IST1: variants seen among roughly 807,000 people sequenced by gnomAD.
The protein encoded by IST1 is IST1 homolog.
Under a neutral mutation model 37.0 loss-of-function variants are expected in IST1, and 23 were observed. That is an observed-to-expected ratio of 0.62 (90% CI 0.45 to 0.88). The LOEUF is 0.88. Ranked by LOEUF, IST1 falls within the 40% of genes least tolerant of loss-of-function variation. The probability of loss-of-function intolerance (pLI) is 0.00; values close to 1 mark genes in which losing one functional copy is unlikely to be tolerated. For missense variants in IST1, 488 were observed against 445.4 expected, an observed-to-expected ratio of 1.10 and a Z score of -0.86; for synonymous variants, 180 against 161.7, an observed-to-expected ratio of 1.11 and a Z score of -0.86.
Position 71,929,671 on chromosome 16 carries a change from G to T in IST1, c.*1858G>T. ...CTGTAGCAGTGTATCTATTAGTGCAGCTTCTTTCTGAGTATTGAAGACAAA... is the reference window on the plus strand; with the variant it reads ...CTGTAGCAGTGTATCTATTAGTGCATCTTCTTTCTGAGTATTGAAGACAAA... On this transcript the variant is annotated 3_prime_UTR_variant, in exon 10 of 10. Transcript: ENST00000378799. 6.5e-7 allele frequency: 1 copy of T among 1,544,808 alleles called. No individual in the cohort carries two copies.
chr16:71,915,549 T>C, intron 1 of IST1, 77 bp from the exon 2 acceptor site: 2 of 872,192 alleles, frequency 2.3e-6, no homozygotes, highest in Non-Finnish European at 3.6e-6. Context: ...TTGTTTCACA[T>C]AATTCACCCC....
At chr16:71,912,534 G>A (rs2037381140) in intron 1 of IST1, among the ~76,000 whole-genome samples, 1 of 152,168 alleles carries the variant, frequency 6.6e-6, no homozygotes, top group Admixed American at 6.5e-5. Context: ...ACCGCGCCCG[G>A]CCTAAAATAT....
intron 1 of IST1, among the ~76,000 whole-genome samples, chr16:71,897,883 A>G (rs1190284684): frequency 4.6e-5 from 7 of 152,194 alleles, no homozygotes; most frequent in Non-Finnish European, 7.3e-5. Context: ...CGAGAGGCGG[A>G]GGTTGCAGTG....
chr16:71,895,367 G>C (rs376250103), upstream of IST1: 4 of 215,382 alleles, frequency 1.9e-5, no homozygotes, highest in East Asian at 3.7e-4. Flanking sequence ...AGTAGTCCCC[G>C]GCCGCGCCGA....
rs770882564 is a variant in IST1 at position 71,916,605 on chromosome 16, C to T, written c.232C>T (p.Leu78=). The T allele has an allele frequency of 3.1e-6, 5 of 1,614,012 alleles. No individual in the cohort carries two copies. Among genetic ancestry groups the T allele is most frequent in the Non-Finnish European group, 4.2e-6 (5 of 1,179,904 alleles). The change falls in exon 3 of 10, where the codon CTG becomes TTG. Residue 78 remains leucine, a synonymous_variant. Transcript: ENST00000378799. ...AMEILELYCD[L]LLARFGLIQS... is the part of the protein sequence containing the mutation. ...GGAGATCCTGGAGCTGTACTGTGACCTGCTGCTGGCTCGGTTTGGCCTTAT... is the reference window on the plus strand; with the variant it reads ...GGAGATCCTGGAGCTGTACTGTGACTTGCTGCTGGCTCGGTTTGGCCTTAT...
chr16:71,908,834 C>T (rs1185766606), intron 1 of IST1, among the ~76,000 whole-genome samples: 2 of 152,144 alleles, frequency 1.3e-5, no homozygotes, highest in African/African-American at 2.4e-5. Flanking sequence ...AAATGATAAA[C>T]TCGCCGCCAG....
At chr16:71,921,503 T>C (rs748898402) in intron 6 of IST1, 50 bp downstream of exon 6, 10 of 1,058,398 alleles carry the variant, frequency 9.4e-6, no homozygotes, top group Admixed American at 6.7e-5. Flanking sequence ...GGTATGACCT[T>C]CTTTGGAAAA....
intron 1 of IST1, among the ~76,000 whole-genome samples, chr16:71,898,028 A>C (rs943881358): frequency 6.6e-6 from 1 of 152,122 alleles, no homozygotes; most frequent in African/African-American, 2.4e-5. Flanking sequence ...ATACGATGAG[A>C]AGGATTCTAT....
intron 1 of IST1, among the ~76,000 whole-genome samples, chr16:71,900,890 A>T (rs1459127175): frequency 6.6e-6 from 1 of 152,170 alleles, no homozygotes; most frequent in Non-Finnish European, 1.5e-5. Context: ...AGCACTCAAT[A>T]AATATTTGGT....
intron 4 of IST1, among the ~76,000 whole-genome samples, chr16:71,919,598 C>T (rs942562666): frequency 6.6e-6 from 1 of 152,188 alleles, no homozygotes; most frequent in Non-Finnish European, 1.5e-5. Context: ...TGCTGCGTTG[C>T]CCAGGCTGGT....
intron 1 of IST1, among the ~76,000 whole-genome samples, chr16:71,902,759 A>G (rs1172800069): frequency 1.3e-5 from 2 of 152,170 alleles, no homozygotes; most frequent in South Asian, 2.1e-4. Flanking sequence ...TTCATCGCTG[A>G]TACTGATAAT....
In IST1 at chr16:71,930,977, T is replaced by C. The variant is rs2037934226; in HGVS notation, c.*3164T>C. On this transcript the variant is annotated 3_prime_UTR_variant, in exon 10 of 10. Coordinates refer to ENST00000378799, the MANE Select transcript of IST1 (RefSeq NM_001270975.2). ...TTTACCTACTTAAAAATGATTATTA[T>C]AACAATTTCAGGTCAACCAGATAAT... is the stretch of plus-strand genomic sequence containing the variant. 6.6e-6 allele frequency: 1 copy of C among 152,216 alleles called. No homozygotes were observed. Among genetic ancestry groups the C allele is most frequent in the Non-Finnish European group, 1.5e-5 (1 of 68,042 alleles). 9.4% of individuals were successfully genotyped at this position (152,216 alleles called of 1,614,324 possible). A position where few individuals can be genotyped will look rare whatever the true frequency, so the allele number is the denominator to read the frequency against.
chr16:71,904,937 TTC>T (rs1230676768), intron 1 of IST1, among the ~76,000 whole-genome samples: 2 of 152,204 alleles, frequency 1.3e-5, no homozygotes, highest in Admixed American at 1.3e-4. Context: ...TTGTTTTCTG[TTC>T]TCTCATTTTT....
At chr16:71,918,361 A>G (rs1391469920) in intron 4 of IST1, among the ~76,000 whole-genome samples, 1 of 151,688 alleles carries the variant, frequency 6.6e-6, no homozygotes, top group Non-Finnish European at 1.5e-5. Flanking sequence ...AGGGATAGTA[A>G]TTGAGTTTTG....
intron 8 of IST1, among the ~76,000 whole-genome samples, chr16:71,923,676 G>T (rs763986712): frequency 1.3e-5 from 2 of 152,174 alleles, no homozygotes; most frequent in Non-Finnish European, 2.9e-5. Flanking sequence ...TGTTTTGACC[G>T]ACTAGGCAGA....
chr16:71,917,830 T>G (rs192722433), intron 4 of IST1, among the ~76,000 whole-genome samples: 127 of 152,360 alleles, frequency 8.3e-4, no homozygotes, highest in Non-Finnish European at 1.4e-3. Flanking sequence ...ATGGCTACAA[T>G]TTTTTCTAAG....
chr16:71,925,642 G>C (rs1373968069), intron 9 of IST1, among the ~76,000 whole-genome samples: 1 of 152,040 alleles, frequency 6.6e-6, no homozygotes, highest in Non-Finnish European at 1.5e-5. Context: ...AAGCAATCAT[G>C]TTCATGTAGC....
chr16:71,900,239 T>C (rs1020856538), intron 1 of IST1, among the ~76,000 whole-genome samples: 1 of 150,624 alleles, frequency 6.6e-6, no homozygotes, highest in Admixed American at 6.7e-5. Context: ...CGTATTGGAG[T>C]GTCTGTAGCC....
intron 8 of IST1, chr16:71,924,255 A>G (rs2037683408): frequency 2.3e-6 from 1 of 443,712 alleles, no homozygotes; most frequent in South Asian, 1.6e-5. Flanking sequence ...CCAAAGGTGA[A>G]AGTATCATTA....
Sources: gnomAD v4.1 joint callset for allele counts (sites outside exome capture counted in the v4.1 genomes callset) on GRCh38, gnomAD v4.1.1 for gene constraint, MANE v1.5 for transcripts, NCBI Gene and HGNC (gene_info 2026-07-23, HGNC 2026-07-21) for gene names.